EXOC4: variants seen among roughly 807,000 people sequenced by gnomAD.
EXOC4 encodes the protein SEC8-like 1.
In EXOC4, 71 loss-of-function variants were observed where a neutral mutation model predicts 107.2. The ratio of observed to expected loss-of-function variants is 0.66; its 90% CI spans 0.55 to 0.81. The LOEUF (loss-of-function observed/expected upper bound fraction) is 0.81. EXOC4 is among the 30% of genes least tolerant of loss of function. The pLI is 0.00. For missense variants in EXOC4, 1,108 were observed against 1,189.6 expected (o/e 0.93, Z 1.01); for synonymous variants, 456 against 441.2 (o/e 1.03, Z -0.42).
chr7:134,093,220 G>A, the EXOC4 span, among the ~76,000 whole-genome samples: 1 of 152,048 alleles, frequency 6.6e-6, no homozygotes, highest in Non-Finnish European at 1.5e-5. Flanking sequence ...GTAAAGGGTT[G>A]GGGAAAGATC....
intron 9 of EXOC4, among the ~76,000 whole-genome samples, chr7:133,554,386 G>A (rs74950765): frequency 6.6e-6 from 1 of 152,108 alleles, no homozygotes; most frequent in East Asian, 1.9e-4. Flanking sequence ...TAGAATTGTT[G>A]TTATACATTT....
At chr7:133,725,235 G>A (rs1795190078) in intron 10 of EXOC4, among the ~76,000 whole-genome samples, 1 of 152,200 alleles carries the variant, frequency 6.6e-6, no homozygotes, top group Non-Finnish European at 1.5e-5. Flanking sequence ...ATTTTCACAG[G>A]TTGCTTTATG....
intron 14 of EXOC4, among the ~76,000 whole-genome samples, chr7:133,968,888 T>C (rs752393646): frequency 2.1e-4 from 32 of 152,216 alleles, no homozygotes; most frequent in Non-Finnish European, 2.8e-4. Context: ...TGTTGGCCTC[T>C]CTTGCTAGGC....
At chr7:133,706,563 G>A (rs569501724) in intron 10 of EXOC4, among the ~76,000 whole-genome samples, 42 of 152,260 alleles carry the variant, frequency 2.8e-4, no homozygotes, top group African/African-American at 8.9e-4. Context: ...TAAAGAAATA[G>A]ATGAAATACA....
chr7:133,694,844 A>C (rs1467963659), intron 10 of EXOC4, among the ~76,000 whole-genome samples: 5 of 152,060 alleles, frequency 3.3e-5, no homozygotes, highest in Admixed American at 6.6e-5. Flanking sequence ...TCAACCTTTC[A>C]TCATCTTCCC....
At chr7:134,070,932 C>T (rs573389651), downstream of EXOC4, among the ~76,000 whole-genome samples, 2 of 152,194 alleles carry the variant, frequency 1.3e-5, no homozygotes, top group South Asian at 2.1e-4. Context: ...CAGCAATCTT[C>T]TCATCCCAAA....
intron 10 of EXOC4, among the ~76,000 whole-genome samples, chr7:133,713,387 T>A (rs1794934737): frequency 6.6e-6 from 1 of 152,190 alleles, no homozygotes; most frequent in Admixed American, 6.5e-5. Flanking sequence ...TTCACAAAGT[T>A]ACATAACAGT....
At chr7:133,941,146 C>T (rs1431044285) in intron 14 of EXOC4, among the ~76,000 whole-genome samples, 3 of 151,798 alleles carry the variant, frequency 2.0e-5, no homozygotes, top group Non-Finnish European at 4.4e-5. Flanking sequence ...TACAGGTGCC[C>T]ACCACCACGC....
chr7:133,592,703 A>G (rs886982793), intron 9 of EXOC4, among the ~76,000 whole-genome samples: 1 of 152,168 alleles, frequency 6.6e-6, no homozygotes, highest in Non-Finnish European at 1.5e-5. Flanking sequence ...CCTGGGTTCA[A>G]GCGATTCTCC....
At chr7:133,668,093 A>G (rs558366958) in intron 10 of EXOC4, among the ~76,000 whole-genome samples, 2 of 152,326 alleles carry the variant, frequency 1.3e-5, no homozygotes, top group Admixed American at 6.5e-5. Context: ...AAAGTGACTC[A>G]GTGTTAAAAT....
At chr7:133,484,418 G>A (rs1799228147) in intron 9 of EXOC4, among the ~76,000 whole-genome samples, 1 of 152,138 alleles carries the variant, frequency 6.6e-6, no homozygotes, top group Admixed American at 6.5e-5. Flanking sequence ...ACTTAGCAGT[G>A]CTGGGAGTGA....
rs573510270 is a variant in EXOC4 at position 133,670,196 on chromosome 7, T to C, written c.1514+40055T>C. ...CACCCTCAGTAGCTATATTAACTTATCTCAGGTTGCAGAGTCTTTGGGGTT... is the reference window on the plus strand; with the variant it reads ...CACCCTCAGTAGCTATATTAACTTACCTCAGGTTGCAGAGTCTTTGGGGTT... On this transcript the variant is annotated intron_variant, in intron 10 of 17. Transcript: ENST00000253861. 5.9e-5 allele frequency among the ~76,000 whole-genome samples: 9 copies of C among 152,328 alleles called. No homozygotes were observed. In the South Asian group the frequency reaches 1.2e-3, roughly 21 times the overall value.
At chr7:133,316,077 G>A (rs1245542169) in intron 4 of EXOC4, among the ~76,000 whole-genome samples, 1 of 152,160 alleles carries the variant, frequency 6.6e-6, no homozygotes, top group African/African-American at 2.4e-5. Flanking sequence ...AACACAGTGT[G>A]AAATTATCAC....
At chr7:133,326,040 C>T (rs1795231994) in intron 5 of EXOC4, among the ~76,000 whole-genome samples, 1 of 152,184 alleles carries the variant, frequency 6.6e-6, no homozygotes. Flanking sequence ...ACGTAGTTCT[C>T]ACGCCATGTT....
At chr7:133,749,323 G>T (rs959949736) in intron 10 of EXOC4, among the ~76,000 whole-genome samples, 21 of 152,106 alleles carry the variant, frequency 1.4e-4, no homozygotes, top group Non-Finnish European at 2.9e-4. Flanking sequence ...GGGTCCTGAT[G>T]GATGGTGGCC....
intron 9 of EXOC4, among the ~76,000 whole-genome samples, chr7:133,508,905 G>A (rs1031814009): frequency 7.9e-5 from 12 of 152,194 alleles, no homozygotes; most frequent in African/African-American, 2.7e-4. Flanking sequence ...TTATCATTGT[G>A]CTACATGTTT....
chr7:134,036,585 CT>C lies in EXOC4; in HGVS notation c.2688-27705del, dbSNP rs1184662407. Among the ~76,000 whole-genome samples the C allele has an allele frequency of 3.3e-5, 5 of 151,736 alleles. 1 individual carries two copies. Among genetic ancestry groups the C allele is most frequent in the Admixed American group, 3.3e-4 (5 of 15,270 alleles). On this transcript the variant is annotated intron_variant, in intron 17 of 17. Transcript: ENST00000253861. ...CCTGGGAGAGATAGCAGGACCCTGT[CT>C]CAAAAGAAAAAAAAGAGAGAGAATT...
chr7:133,270,691 G>A (rs540152600), intron 1 of EXOC4, among the ~76,000 whole-genome samples: 2 of 152,332 alleles, frequency 1.3e-5, no homozygotes, highest in African/African-American at 4.8e-5. Flanking sequence ...CAAAATTGCA[G>A]TGAATTGCTT....
intron 7 of EXOC4, among the ~76,000 whole-genome samples, chr7:133,462,937 T>C (rs932185382): frequency 6.6e-6 from 1 of 151,726 alleles, no homozygotes; most frequent in Admixed American, 6.6e-5. Flanking sequence ...AAGATAGAGG[T>C]TTATTTATTT....
Sources: gnomAD v4.1 joint callset for allele counts (sites outside exome capture counted in the v4.1 genomes callset) on GRCh38, gnomAD v4.1.1 for gene constraint, MANE v1.5 for transcripts, NCBI Gene and HGNC (gene_info 2026-07-23, HGNC 2026-07-21) for gene names.